Variants in SYN2 observed in about 807,000 individuals in gnomAD.
SYN2 encodes the protein synapsin-2.
Under a neutral mutation model 50.9 loss-of-function variants are expected in SYN2, and 19 were observed. That is an observed-to-expected ratio of 0.37 (90% CI 0.26 to 0.55). The LOEUF is 0.55. Ranked by LOEUF, SYN2 falls within the 20% of genes least tolerant of loss-of-function variation. The pLI, the probability that SYN2 is intolerant of heterozygous loss-of-function variation, is 0.81. For synonymous variants in SYN2, 255 were observed against 224.9 expected (o/e 1.13, Z -1.20); for missense variants, 587 against 576.4 (o/e 1.02, Z -0.19).
intron 1 of SYN2, among the ~76,000 whole-genome samples, chr3:12,019,746 A>G (rs1377707025): frequency 1.3e-5 from 2 of 152,218 alleles, no homozygotes; most frequent in Non-Finnish European, 2.9e-5. Context: ...GTACCATTGC[A>G]CTTAATTGTC....
intron 1 of SYN2, among the ~76,000 whole-genome samples, chr3:12,134,512 G>C (rs928259528): frequency 1.3e-4 from 20 of 152,182 alleles, no homozygotes; most frequent in African/African-American, 4.6e-4. Context: ...TTCCTATGTG[G>C]CTAATTCCTA....
In SYN2 at chr3:12,190,977, T is replaced by C; in HGVS notation, c.*352T>C. On this transcript the variant is annotated 3_prime_UTR_variant, in exon 13 of 13. Coordinates refer to ENST00000621198, the MANE Select transcript of SYN2 (RefSeq NM_133625.6). ...GAAACCAGGATTAATCGTGGACTCCTGGCAGCTTAACCTAGCTCAGTTGCA... is the reference window on the plus strand; with the variant it reads ...GAAACCAGGATTAATCGTGGACTCCCGGCAGCTTAACCTAGCTCAGTTGCA... The C allele has an allele frequency of 1.9e-6, 2 of 1,033,866 alleles. No individual in the cohort carries two copies. The highest frequency in any genetic ancestry group is 2.3e-6 in the Non-Finnish European group (2 of 861,988). The allele number at this position is 1,033,866 out of a possible 1,614,324, so 64.0% of individuals were successfully genotyped here.
chr3:12,145,556 A>G, intron 3 of SYN2, 123 bp from the exon 4 acceptor site: 1 of 1,098,380 alleles, frequency 9.1e-7, no homozygotes, highest in African/African-American at 1.6e-5. Context: ...CAGTAAAATG[A>G]GGGGCTTGGA....
At position 12,190,538 on chromosome 3, in the gene SYN2, C is replaced by G; in HGVS notation, c.1662C>G (p.Phe554Leu). The change falls in exon 13 of 13, where the codon TTC (phenylalanine) becomes TTG (leucine). Residue 554 changes from phenylalanine to leucine, a missense_variant. Phe to Leu is a conservative substitution (Grantham distance 22). Coordinates refer to ENST00000621198, the MANE Select transcript of SYN2 (RefSeq NM_133625.6). ...CCTTCAGCTTCTCTGAGTCCTCCTT[C>G]TTCCGGTCTTCAGCCAATGAGGATG... ...TNAFSFSESSFFRSSANEDEA... is the reference protein window; with the variant it reads ...TNAFSFSESSLFRSSANEDEA... 7 of 1,613,862 alleles carry G rather than the reference C, an allele frequency of 4.3e-6. No individual in the cohort carries two copies. Among genetic ancestry groups the G allele is most frequent in the Non-Finnish European group, 5.9e-6 (7 of 1,179,806 alleles).
intron 1 of SYN2, among the ~76,000 whole-genome samples, chr3:12,115,460 C>T (rs1296425170): frequency 6.6e-6 from 1 of 152,082 alleles, no homozygotes; most frequent in Admixed American, 6.6e-5. Flanking sequence ...TGTACTTTAC[C>T]TACAAAAAAG....
intron 1 of SYN2, among the ~76,000 whole-genome samples, chr3:12,069,481 T>G (rs1695295120): frequency 6.6e-6 from 1 of 152,052 alleles, no homozygotes; most frequent in Admixed American, 6.5e-5. Context: ...ATTACTGACC[T>G]CGTGATCTGC....
chr3:12,157,355 G>A (rs200638524), intron 5 of SYN2: 13 of 1,603,268 alleles, frequency 8.1e-6, no homozygotes, highest in Non-Finnish European at 8.5e-6. Flanking sequence ...CAGCCTTAGG[G>A]GCTACACATC....
intron 1 of SYN2, among the ~76,000 whole-genome samples, chr3:12,090,732 G>A (rs1012793228): frequency 6.6e-6 from 1 of 152,076 alleles, no homozygotes; most frequent in African/African-American, 2.4e-5. Context: ...TTGTTCCTTG[G>A]CCTAATTGAT....
intron 1 of SYN2, among the ~76,000 whole-genome samples, chr3:12,034,035 T>C (rs1478878406): frequency 2.0e-5 from 3 of 152,234 alleles, no homozygotes; most frequent in African/African-American, 7.2e-5. Flanking sequence ...TCAGTTCTTT[T>C]AGGTATATCC....
intron 1 of SYN2, among the ~76,000 whole-genome samples, chr3:12,093,859 A>ATT (rs34441908): frequency 0.088 from 12,689 of 144,018 alleles, 1,392 homozygotes; most frequent in African/African-American, 0.26. Context: ...CTGCCCTGCA[A>ATT]TTTTTTTTTT....
intron 1 of SYN2, among the ~76,000 whole-genome samples, chr3:12,048,580 G>A (rs1354586186): frequency 6.6e-6 from 1 of 152,234 alleles, no homozygotes; most frequent in Admixed American, 6.5e-5. Context: ...AGATGATGAT[G>A]ATAGCTAACA....
chr3:12,068,079 G>A (rs908553106), intron 1 of SYN2, among the ~76,000 whole-genome samples: 3 of 152,060 alleles, frequency 2.0e-5, no homozygotes, highest in Non-Finnish European at 2.9e-5. Flanking sequence ...ATGAATGAAT[G>A]AATAAATAAA....
intron 1 of SYN2, among the ~76,000 whole-genome samples, chr3:12,116,914 T>C (rs1696445832): frequency 6.6e-6 from 1 of 152,086 alleles, no homozygotes; most frequent in Non-Finnish European, 1.5e-5. Flanking sequence ...CATGCCCAGC[T>C]AATTTTTTAT....
intron 1 of SYN2, among the ~76,000 whole-genome samples, chr3:12,052,106 T>C (rs1199409689): frequency 6.6e-6 from 1 of 152,222 alleles, no homozygotes; most frequent in Non-Finnish European, 1.5e-5. Context: ...GGGATCGATA[T>C]TCACATTTTA....
intron 1 of SYN2, among the ~76,000 whole-genome samples, chr3:12,104,323 C>G (rs539979321): frequency 3.3e-5 from 5 of 151,906 alleles, no homozygotes; most frequent in Admixed American, 2.0e-4. Flanking sequence ...TTTAAAATAG[C>G]CTCAAAATAA....
chr3:12,061,136 A>G (rs1292093543), intron 1 of SYN2, among the ~76,000 whole-genome samples: 1 of 152,198 alleles, frequency 6.6e-6, no homozygotes, highest in African/African-American at 2.4e-5. Flanking sequence ...AGCCAAGGAA[A>G]GAAGCTTGAA....
chr3:12,010,187 C>T (rs190770342), intron 1 of SYN2, among the ~76,000 whole-genome samples: 24 of 152,300 alleles, frequency 1.6e-4, no homozygotes, highest in Admixed American at 7.2e-4. Flanking sequence ...AGGACTGTGC[C>T]GTAATGCTGA....
Position 12,127,388 on chromosome 3 carries a change from G to C in SYN2, c.378-13263G>C, listed in dbSNP as rs149596429. Among the ~76,000 whole-genome samples the C allele has an allele frequency of 2.3e-3, 351 of 152,276 alleles. 1 individual carries two copies. The highest frequency in any genetic ancestry group is 3.7e-3 in the Non-Finnish European group (254 of 68,014). On this transcript the variant is annotated intron_variant, in intron 1 of 12. Transcript: ENST00000621198. ...TTGAGAAGACATCAGCTTTCCCACC[G>C]TGTGATCTTGGTCAACTTTCTGTCT...
At chr3:12,063,225 A>G (rs1487658621) in intron 1 of SYN2, among the ~76,000 whole-genome samples, 2 of 152,046 alleles carry the variant, frequency 1.3e-5, no homozygotes, top group African/African-American at 4.8e-5. Context: ...AATGTTTGCA[A>G]AATTTTAAAA....
Sources: gnomAD v4.1 joint callset for allele counts (sites outside exome capture counted in the v4.1 genomes callset) on GRCh38, gnomAD v4.1.1 for gene constraint, MANE v1.5 for transcripts, NCBI Gene and HGNC (gene_info 2026-07-23, HGNC 2026-07-21) for gene names.